The following PTK2 variants were observed in gnomAD, a reference collection of about 807,000 sequenced individuals.
PTK2 encodes protein tyrosine kinase 2, also known as focal adhesion kinase 1.
PTK2 carries 45 observed loss-of-function variants against 150.1 expected under a neutral mutation model. The observed-to-expected ratio is 0.30, with a 90% CI of 0.24 to 0.38. PTK2 has a LOEUF of 0.38. PTK2 is among the 10% of genes least tolerant of loss of function. The pLI is 1.00. For synonymous variants in PTK2, 432 were observed against 449.2 expected, an observed-to-expected ratio of 0.96 and a Z score of 0.48; for missense variants, 919 against 1,307.3, an observed-to-expected ratio of 0.70 and a Z score of 4.58.
At chr8:140,659,456 TA>T (rs1422874014) in exon 32 of PTK2, 1 of 1,606,356 alleles carries the variant, frequency 6.2e-7, no homozygotes, top group African/African-American at 1.3e-5. Flanking sequence ...GACGTGCTCC[TA>T]GGGGAGGCTC....
chr8:140,742,033 G>A (rs1267293826), intron 20 of PTK2, among the ~76,000 whole-genome samples: 2 of 152,202 alleles, frequency 1.3e-5, no homozygotes, highest in Non-Finnish European at 2.9e-5. Context: ...CAATTTGGGA[G>A]GCTAAGGTGG....
chr8:140,685,435 T>C (rs984381711), intron 27 of PTK2, among the ~76,000 whole-genome samples: 1 of 152,096 alleles, frequency 6.6e-6, no homozygotes, highest in Non-Finnish European at 1.5e-5. Context: ...CAAAAGGAAC[T>C]AAGAGCAGAA....
chr8:140,891,693 T>C (rs2100154301), intron 2 of PTK2, among the ~76,000 whole-genome samples: 1 of 152,194 alleles, frequency 6.6e-6, no homozygotes, highest in Non-Finnish European at 1.5e-5. Context: ...GTGGAGACTG[T>C]GTCAAACACT....
At chr8:140,792,080 G>C (rs907492738) in intron 13 of PTK2, among the ~76,000 whole-genome samples, 4 of 152,180 alleles carry the variant, frequency 2.6e-5, no homozygotes, top group African/African-American at 9.7e-5. Flanking sequence ...ACACAGAAAA[G>C]AGTTAATGTA....
chr8:140,920,781 A>G, intron 2 of PTK2: 1 of 1,441,504 alleles, frequency 6.9e-7, no homozygotes, highest in South Asian at 1.4e-5. Context: ...ATGAATTCAA[A>G]TAAAACGGAA....
At chr8:140,675,554 C>T in intron 27 of PTK2, 55 bp from the exon 31 acceptor site, 1 of 1,310,154 alleles carries the variant, frequency 7.6e-7, no homozygotes. Flanking sequence ...TGGGCAATGA[C>T]CTCTCTCACC....
intron 2 of PTK2, among the ~76,000 whole-genome samples, chr8:140,902,491 G>C (rs542452672): frequency 1.6e-4 from 24 of 152,220 alleles, no homozygotes; most frequent in Non-Finnish European, 2.9e-5. Context: ...GGGATTGCTG[G>C]GTCAAATGGT....
At position 140,852,704 on chromosome 8, in the gene PTK2, C is replaced by T. The variant is rs112267790; in HGVS notation, c.451-6026G>A. Reference sequence around the variant, plus strand: ...ATGGGAAATGTACGGGTACTATGCACAGGTAAATGGAAGGCTTTACGTGGA... The same window carrying T: ...ATGGGAAATGTACGGGTACTATGCATAGGTAAATGGAAGGCTTTACGTGGA... On this transcript the variant is annotated intron_variant, in intron 5 of 31. Transcript: ENST00000522684. Among the ~76,000 whole-genome samples, 1,304 of 152,182 alleles carry T rather than the reference C, an allele frequency of 8.6e-3. 16 individuals are homozygous for T. The highest frequency in any genetic ancestry group is 0.03 in the African/African-American group (1,233 of 41,496).
At chr8:140,662,964 A>C (rs765796124) in intron 31 of PTK2, 30 of 415,142 alleles carry the variant, frequency 7.2e-5, no homozygotes, top group Non-Finnish European at 1.2e-4. Flanking sequence ...GAGGCTGAAG[A>C]AAGCAACACC....
chr8:140,746,594 G>A (rs2100058904), intron 18 of PTK2, 166 bp downstream of exon 21: 1 of 489,728 alleles, frequency 2.0e-6, no homozygotes, highest in African/African-American at 2.0e-5. Context: ...GGAATTTAAT[G>A]ATGAAGATAT....
At chr8:140,854,657 T>G (rs189766481) in intron 5 of PTK2, among the ~76,000 whole-genome samples, 1 of 152,336 alleles carries the variant, frequency 6.6e-6, no homozygotes, top group East Asian at 1.9e-4. Context: ...TTTCAGAATA[T>G]TCACAAATAG....
At chr8:140,915,156 C>T (rs2100164751) in intron 2 of PTK2, among the ~76,000 whole-genome samples, 1 of 151,048 alleles carries the variant, frequency 6.6e-6, no homozygotes, top group African/African-American at 2.4e-5. Flanking sequence ...AGCAGCTAAA[C>T]CAAAGAAGTA....
At chr8:140,934,187 GA>G (rs2100172855) in intron 1 of PTK2, among the ~76,000 whole-genome samples, 1 of 152,098 alleles carries the variant, frequency 6.6e-6, no homozygotes, top group Admixed American at 6.5e-5. Flanking sequence ...ACAATTATAA[GA>G]AATTGAAGAT....
intron 14 of PTK2, among the ~76,000 whole-genome samples, chr8:140,782,006 C>T (rs2100081979): frequency 6.6e-6 from 1 of 151,998 alleles, no homozygotes; most frequent in African/African-American, 2.4e-5. Context: ...ACACGATCAG[C>T]CAGTCTATCC....
chr8:140,995,570 G>C (rs918527229), intron 1 of PTK2, among the ~76,000 whole-genome samples: 5 of 151,922 alleles, frequency 3.3e-5, no homozygotes, highest in African/African-American at 9.7e-5. Context: ...TTTGGGAAAA[G>C]GTGGGCGGAT....
chr8:140,904,426 G>A (rs1032891591), intron 2 of PTK2, among the ~76,000 whole-genome samples: 7 of 152,124 alleles, frequency 4.6e-5, no homozygotes, highest in African/African-American at 1.2e-4. Context: ...TTTTCGCATC[G>A]ATGTTCATCA....
chr8:140,963,993 T>C (rs767543651), intron 1 of PTK2, among the ~76,000 whole-genome samples: 7 of 152,152 alleles, frequency 4.6e-5, no homozygotes, highest in Non-Finnish European at 8.8e-5. Flanking sequence ...CAACTTCCCT[T>C]AATGTGCCAT....
intron 18 of PTK2, 78 bp from the exon 22 acceptor site, chr8:140,744,845 T>C (rs1236628669): frequency 1.3e-6 from 1 of 745,014 alleles, no homozygotes; most frequent in Admixed American, 2.5e-5. Flanking sequence ...GCAAAAAAGC[T>C]ACATTCAACA....
At chr8:140,898,188 C>G (rs751647022) in intron 2 of PTK2, among the ~76,000 whole-genome samples, 3 of 152,140 alleles carry the variant, frequency 2.0e-5, no homozygotes, top group Non-Finnish European at 2.9e-5. Flanking sequence ...AAGCCAAGCA[C>G]AAAATTTCCA....
Sources: allele counts gnomAD v4.1 joint callset (sites outside exome capture counted in the v4.1 genomes callset), GRCh38; gene constraint gnomAD v4.1.1; transcripts MANE v1.5; gene names NCBI Gene and HGNC (gene_info 2026-07-23, HGNC 2026-07-21).